Variants in FAM120B observed in about 807,000 individuals in gnomAD.
FAM120B encodes the protein constitutive coactivator of peroxisome proliferator-activated receptor gamma.
FAM120B carries 83 observed loss-of-function variants against 96.3 expected under a neutral mutation model. The ratio of observed to expected loss-of-function variants is 0.86; its 90% confidence interval spans 0.72 to 1.03. The LOEUF (loss-of-function observed/expected upper bound fraction) is 1.03. Ranked by LOEUF, FAM120B falls within the 50% of genes least tolerant of loss-of-function variation. The pLI is 0.00. For synonymous variants in FAM120B, 407 were observed against 402.7 expected, an observed-to-expected ratio of 1.01 and a Z score of -0.13; for missense variants, 1,027 against 1,121.2, an observed-to-expected ratio of 0.92 and a Z score of 1.20.
intron 6 of FAM120B, among the ~76,000 whole-genome samples, chr6:170,361,570 GT>G (rs1249224862): frequency 1.3e-5 from 2 of 152,036 alleles, no homozygotes; most frequent in African/African-American, 4.8e-5. Context: ...GATGGCAGTT[GT>G]TTTCCCTTTG....
intron 1 of FAM120B, among the ~76,000 whole-genome samples, chr6:170,316,562 A>G (rs1784914187): frequency 6.6e-6 from 1 of 152,212 alleles, no homozygotes; most frequent in East Asian, 1.9e-4. Context: ...CTAACTGTAA[A>G]CTACTTTGTA....
intron 4 of FAM120B, among the ~76,000 whole-genome samples, chr6:170,339,504 C>T (rs756230691): frequency 2.0e-5 from 3 of 151,656 alleles, no homozygotes; most frequent in Non-Finnish European, 2.9e-5. Flanking sequence ...TTAAGAATGT[C>T]GGGGCCAGGC....
upstream of FAM120B, chr6:170,291,096 AC>A (rs1161869205): frequency 6.3e-6 from 4 of 632,840 alleles, no homozygotes; most frequent in Non-Finnish European, 8.7e-6. Context: ...AAAATGTGCA[AC>A]CCTCCTCCCC....
intron 3 of FAM120B, among the ~76,000 whole-genome samples, chr6:170,330,239 T>C (rs1785923540): frequency 6.6e-6 from 1 of 152,210 alleles, no homozygotes; most frequent in Admixed American, 6.5e-5. Flanking sequence ...TTTTGTCGGT[T>C]CCACAGGGTA....
intron 4 of FAM120B, among the ~76,000 whole-genome samples, chr6:170,338,596 G>A (rs374712046): frequency 5.9e-5 from 9 of 151,894 alleles, no homozygotes; most frequent in African/African-American, 1.2e-4. Flanking sequence ...TTTTTGTCTC[G>A]TTGATCTAAT....
chr6:170,371,982 T>C (rs1789224445), intron 6 of FAM120B, among the ~76,000 whole-genome samples: 1 of 152,178 alleles, frequency 6.6e-6, no homozygotes, highest in African/African-American at 2.4e-5. Flanking sequence ...AGTCAGGAAA[T>C]TGAAAAACAG....
chr6:170,297,164 C>T (rs1432672418), intron 1 of FAM120B, among the ~76,000 whole-genome samples: 1 of 152,238 alleles, frequency 6.6e-6, no homozygotes, highest in African/African-American at 2.4e-5. Flanking sequence ...TGTCTGGCTG[C>T]AGGGTTGGTT....
chr6:170,397,399 T>C (rs571577057), intron 9 of FAM120B, among the ~76,000 whole-genome samples: 1 of 152,240 alleles, frequency 6.6e-6, no homozygotes, highest in South Asian at 2.1e-4. Flanking sequence ...GGGTGGGAGC[T>C]GATGCCAGAT....
At chr6:170,387,467 C>T (rs986262848) in intron 6 of FAM120B, among the ~76,000 whole-genome samples, 1 of 152,206 alleles carries the variant, frequency 6.6e-6, no homozygotes, top group African/African-American at 2.4e-5. Flanking sequence ...CATGTGGACA[C>T]TCGCTAGATA....
intron 6 of FAM120B, among the ~76,000 whole-genome samples, chr6:170,381,394 C>G (rs555900942): frequency 1.3e-5 from 2 of 152,118 alleles, no homozygotes; most frequent in Non-Finnish European, 2.9e-5. Context: ...CCGTAGTTTG[C>G]AAACTCCCCT....
intron 4 of FAM120B, among the ~76,000 whole-genome samples, chr6:170,332,983 A>G (rs1786160904): frequency 6.6e-6 from 1 of 152,162 alleles, no homozygotes; most frequent in South Asian, 2.1e-4. Context: ...GTAGAAATAA[A>G]AGGAAATCAC....
At chr6:170,297,488 C>G (rs745822979) in intron 1 of FAM120B, among the ~76,000 whole-genome samples, 2 of 152,186 alleles carry the variant, frequency 1.3e-5, no homozygotes, top group Non-Finnish European at 1.5e-5. Flanking sequence ...CCCAGAGCAC[C>G]GGGCTGTTTA....
chr6:170,319,241 G>A, intron 2 of FAM120B, 117 bp downstream of exon 2: 1 of 952,144 alleles, frequency 1.1e-6, no homozygotes, highest in Non-Finnish European at 1.5e-6. Context: ...CACAACAGGA[G>A]TCTCTAAGTC....
intron 8 of FAM120B, among the ~76,000 whole-genome samples, chr6:170,394,134 G>T (rs1430995846): frequency 2.6e-5 from 4 of 152,208 alleles, no homozygotes; most frequent in Admixed American, 2.0e-4. Flanking sequence ...GACAAGGGCA[G>T]CAGTCACAAA....
intron 4 of FAM120B, among the ~76,000 whole-genome samples, chr6:170,340,410 T>G (rs1786742633): frequency 6.6e-6 from 1 of 152,216 alleles, no homozygotes; most frequent in Admixed American, 6.5e-5. Context: ...ATCAAGGTTC[T>G]TAGCTTCCTT....
At chr6:170,334,377 A>G (rs1268569695) in intron 4 of FAM120B, among the ~76,000 whole-genome samples, 1 of 152,256 alleles carries the variant, frequency 6.6e-6, no homozygotes, top group Non-Finnish European at 1.5e-5. Context: ...TGAAAAAAGG[A>G]CCATGTATTT....
In FAM120B at chr6:170,317,805, G is replaced by A. The variant is rs1784997365; in HGVS notation, c.415G>A (p.Val139Met). The A allele has an allele frequency of 1.2e-6, 2 of 1,614,204 alleles. No homozygotes were observed. The highest frequency in any genetic ancestry group is 1.7e-6 in the Non-Finnish European group (2 of 1,180,030). Residue 139 changes from valine (V) to methionine (M), a missense_variant, in exon 2 of 11, where the codon GTG becomes ATG. Transcript: ENST00000476287. ...NMFFIPSGLA[V>M]FTRFALKTLG... Reference sequence around the variant, plus strand: ...GTTCTTCATCCCCTCAGGGCTAGCTGTGTTTACACGATTTGCTCTAAAGAC... The same window carrying A: ...GTTCTTCATCCCCTCAGGGCTAGCTATGTTTACACGATTTGCTCTAAAGAC...
chr6:170,365,721 C>T (rs1321729730), intron 6 of FAM120B, among the ~76,000 whole-genome samples: 2 of 151,150 alleles, frequency 1.3e-5, no homozygotes, highest in African/African-American at 2.4e-5. Flanking sequence ...CCCTCCCCCC[C>T]CTCCCCCCTG....
upstream of FAM120B, among the ~76,000 whole-genome samples, chr6:170,305,145 A>G (rs77838939): frequency 0.015 from 2,236 of 152,174 alleles, 53 homozygotes; most frequent in African/African-American, 0.052. Flanking sequence ...TCACGCTGGG[A>G]TTAATTTCAA....
Sources: allele counts gnomAD v4.1 joint callset (sites outside exome capture counted in the v4.1 genomes callset), GRCh38; gene constraint gnomAD v4.1.1; transcripts MANE v1.5; gene names NCBI Gene and HGNC (gene_info 2026-07-23, HGNC 2026-07-21).